KCNJ6: variants seen among roughly 807,000 people sequenced by gnomAD.
The protein encoded by KCNJ6 is potassium inwardly rectifying channel subfamily J member 6, also known as G protein-activated inward rectifier potassium channel 2.
A neutral mutation model predicts 34.2 loss-of-function variants in KCNJ6; 9 were observed. That is an observed-to-expected ratio of 0.26 (90% confidence interval 0.16 to 0.46). The LOEUF (loss-of-function observed/expected upper bound fraction) is 0.46. KCNJ6 is among the 20% of genes least tolerant of loss of function. KCNJ6 has a pLI of 1.00. For synonymous variants in KCNJ6, 196 were observed against 207.1 expected (o/e 0.95, Z 0.46); for missense variants, 236 against 531.3 (o/e 0.44, Z 5.46).
chr21:37,837,305 A>G (rs1456224284), intron 2 of KCNJ6, among the ~76,000 whole-genome samples: 1 of 152,176 alleles, frequency 6.6e-6, no homozygotes, highest in Admixed American at 6.5e-5. Flanking sequence ...TTTCACAGCA[A>G]AGTCGTCAGA....
chr21:37,900,012 T>A (rs906162099), intron 1 of KCNJ6, among the ~76,000 whole-genome samples: 1 of 152,218 alleles, frequency 6.6e-6, no homozygotes, highest in African/African-American at 2.4e-5. Context: ...TGTTTTCATG[T>A]CAAATCAGAT....
At chr21:37,704,253 G>A (rs1318360545) in intron 3 of KCNJ6, among the ~76,000 whole-genome samples, 8 of 116,342 alleles carry the variant, frequency 6.9e-5, no homozygotes, top group Admixed American at 1.8e-4. Context: ...GGGGGATCAC[G>A]AACCAGCAGC....
chr21:37,911,778 T>G (rs561693618), intron 1 of KCNJ6, among the ~76,000 whole-genome samples: 2 of 152,322 alleles, frequency 1.3e-5, no homozygotes, highest in South Asian at 4.1e-4. Flanking sequence ...AGAGCATTTA[T>G]CTTGTTTTCA....
In KCNJ6 at chr21:37,780,095, A is replaced by C. The variant is rs1404556984; in HGVS notation, c.25+60563T>G. 3.3e-5 allele frequency among the ~76,000 whole-genome samples: 5 copies of C among 152,192 alleles called. No individual in the cohort carries two copies. In the East Asian group the frequency reaches 9.6e-4, roughly 29 times the overall value. On this transcript the variant is annotated intron_variant, in intron 2 of 3. Coordinates refer to ENST00000609713, the MANE Select transcript of KCNJ6 (RefSeq NM_002240.5). ...TAAGAATTATTACCTTGAAAATATA[A>C]GATAAGGAAATAATGTGAATATTAT...
intron 2 of KCNJ6, among the ~76,000 whole-genome samples, chr21:37,807,421 T>G (rs1222233046): frequency 6.6e-6 from 1 of 152,252 alleles, no homozygotes; most frequent in African/African-American, 2.4e-5. Context: ...TCAAAGATGG[T>G]GAGAGATTCA....
chr21:37,774,571 A>G (rs1013175704), intron 2 of KCNJ6, among the ~76,000 whole-genome samples: 68 of 141,398 alleles, frequency 4.8e-4, no homozygotes, highest in African/African-American at 1.8e-3. Flanking sequence ...TCATTGTTCA[A>G]TTCCCACCTA....
At chr21:37,787,031 C>T (rs187794448) in intron 2 of KCNJ6, among the ~76,000 whole-genome samples, 159 of 152,268 alleles carry the variant, frequency 1.0e-3, no homozygotes, top group South Asian at 3.1e-3. Flanking sequence ...AACACATTCC[C>T]CAAATCAGAG....
intron 3 of KCNJ6, among the ~76,000 whole-genome samples, chr21:37,626,303 T>G (rs1387605047): frequency 1.3e-5 from 2 of 152,078 alleles, no homozygotes; most frequent in African/African-American, 4.8e-5. Flanking sequence ...ACTAATTTTT[T>G]TTTGTATTTT....
chr21:37,809,733 C>T (rs532542128), intron 2 of KCNJ6, among the ~76,000 whole-genome samples: 9 of 152,164 alleles, frequency 5.9e-5, no homozygotes, highest in African/African-American at 1.9e-4. Flanking sequence ...GTATCTCAGC[C>T]TCCCTTGTAG....
chr21:37,862,253 C>T (rs2055598387), intron 1 of KCNJ6, among the ~76,000 whole-genome samples: 1 of 152,200 alleles, frequency 6.6e-6, no homozygotes. Flanking sequence ...ATTTTAAGTC[C>T]AAGTCTACCT....
chr21:37,891,240 C>T (rs950979612), intron 1 of KCNJ6, among the ~76,000 whole-genome samples: 2 of 137,132 alleles, frequency 1.5e-5, no homozygotes, highest in African/African-American at 6.3e-5. Flanking sequence ...TTAGGGGAAC[C>T]ACACACAGAC....
intron 2 of KCNJ6, among the ~76,000 whole-genome samples, chr21:37,727,616 A>G (rs1397610472): frequency 1.3e-5 from 2 of 152,116 alleles, no homozygotes; most frequent in Non-Finnish European, 2.9e-5. Flanking sequence ...GGTTATAAGG[A>G]AGAGGGATAG....
rs186873878 is a variant in KCNJ6, at chr21:37,691,700, G to A, written c.946+22511C>T. ...AAATCCAAAATCTGATTTTGGATATGACAGTGGGATATAGTGAGACATGGT... is the reference window on the plus strand; with the variant it reads ...AAATCCAAAATCTGATTTTGGATATAACAGTGGGATATAGTGAGACATGGT... On this transcript the variant is annotated intron_variant, in intron 3 of 3. Transcript: ENST00000609713. Among the ~76,000 whole-genome samples the A allele has an allele frequency of 1.9e-4, 29 of 152,276 alleles. No homozygotes were observed. The East Asian group carries it at 2.5e-3, about 13-fold the overall frequency.
intron 3 of KCNJ6, among the ~76,000 whole-genome samples, chr21:37,691,574 C>G (rs1216631965): frequency 1.3e-5 from 2 of 152,180 alleles, no homozygotes; most frequent in Non-Finnish European, 2.9e-5. Flanking sequence ...CCGTATCTTC[C>G]TGATTCACAG....
rs1285418440 is a variant in KCNJ6 at position 37,620,388 on chromosome 21, A to T, written c.*4771T>A. ...AGACAAATGGCTGTGGCTGTGTTCC[A>T]ATAAAACTTTGTTTGTGGACATTGA... On this transcript the variant is annotated 3_prime_UTR_variant, in exon 4 of 4. Transcript: ENST00000609713. 6.6e-6 allele frequency: 1 copy of T among 152,248 alleles called. No homozygotes were observed. Among genetic ancestry groups the T allele is most frequent in the Non-Finnish European group, 1.5e-5 (1 of 68,034 alleles). The allele number at this position is 152,248 out of a possible 1,614,324, so 9.4% of individuals were successfully genotyped here. A position where few individuals can be genotyped will look rare whatever the true frequency, so the allele number is the denominator to read the frequency against.
chr21:37,707,363 G>A (rs920735070), intron 3 of KCNJ6, among the ~76,000 whole-genome samples: 4 of 152,194 alleles, frequency 2.6e-5, no homozygotes, highest in African/African-American at 7.2e-5. Context: ...TGCCTGTGTG[G>A]TCTATAGAGG....
chr21:37,859,487 T>TTATATATATATATATATATATA (rs55859652), intron 1 of KCNJ6, among the ~76,000 whole-genome samples: 7 of 84,292 alleles, frequency 8.3e-5, no homozygotes, highest in South Asian at 3.5e-4. Flanking sequence ...TTATATTACT[T>TTATATATATATATATATATATA]TATATATATA....
At chr21:37,831,947 T>C (rs997921034) in intron 2 of KCNJ6, among the ~76,000 whole-genome samples, 4 of 152,026 alleles carry the variant, frequency 2.6e-5, no homozygotes, top group Admixed American at 2.6e-4. Flanking sequence ...GCAGGGACAG[T>C]AGAAGGCACA....
chr21:37,894,677 A>T (rs1359393727), intron 1 of KCNJ6, among the ~76,000 whole-genome samples: 1 of 152,170 alleles, frequency 6.6e-6, no homozygotes, highest in East Asian at 1.9e-4. Flanking sequence ...AAAGAAAAAA[A>T]AAATCAACAT....
Sources: gnomAD v4.1 joint callset for allele counts (sites outside exome capture counted in the v4.1 genomes callset) on GRCh38, gnomAD v4.1.1 for gene constraint, MANE v1.5 for transcripts, NCBI Gene and HGNC (gene_info 2026-07-23, HGNC 2026-07-21) for gene names.